HOOK1: variants seen among roughly 807,000 people sequenced by gnomAD.
HOOK1 encodes the protein protein Hook homolog 1.
Under a neutral mutation model 112.8 loss-of-function variants are expected in HOOK1, and 60 were observed. The observed-to-expected ratio is 0.53, with a 90% CI of 0.43 to 0.66. The LOEUF is 0.66. Among genes scored for constraint, HOOK1 ranks in the 30% least tolerant of loss-of-function variants. The pLI is 0.00. For synonymous variants in HOOK1, 294 were observed against 283.8 expected (o/e 1.04, Z -0.36); for missense variants, 770 against 856.0 (o/e 0.90, Z 1.25).
At chr1:59,858,599 C>G in intron 13 of HOOK1, 84 bp downstream of exon 13, 1 of 848,376 alleles carries the variant, frequency 1.2e-6, no homozygotes, top group Non-Finnish European at 2.0e-6. Context: ...CTTAACCTGT[C>G]ATGGTGGCGC....
intron 4 of HOOK1, 57 bp downstream of exon 4, chr1:59,832,270 A>G: frequency 2.0e-6 from 2 of 1,021,388 alleles, no homozygotes; most frequent in Non-Finnish European, 2.9e-6. Context: ...AATTACTTTA[A>G]GACTGAAAAA....
chr1:59,865,843 A>T (rs2102072042), intron 18 of HOOK1, 29 bp from the exon 19 acceptor site: 1 of 1,118,738 alleles, frequency 8.9e-7, no homozygotes, highest in African/African-American at 1.6e-5. Flanking sequence ...TTAATAACTG[A>T]TTATGCTTCA....
intron 20 of HOOK1, among the ~76,000 whole-genome samples, chr1:59,869,393 C>T (rs772605994): frequency 8.6e-5 from 13 of 152,002 alleles, no homozygotes; most frequent in Non-Finnish European, 1.5e-4. Flanking sequence ...GGTTTTGCCA[C>T]GTTGGCCAGG....
intron 12 of HOOK1, among the ~76,000 whole-genome samples, chr1:59,857,474 T>C (rs1158990852): frequency 6.6e-6 from 1 of 152,194 alleles, no homozygotes; most frequent in Admixed American, 6.5e-5. Flanking sequence ...AATTCTGAAA[T>C]AGTTGATAAT....
rs921724380 is a variant in HOOK1, at chr1:59,833,339, T to C, written c.274-66T>C. 2.3e-5 allele frequency: 26 copies of C among 1,130,386 alleles called. No homozygotes were observed. In the African/African-American group the frequency reaches 3.9e-4, roughly 17 times the overall value. 70.0% of individuals were successfully genotyped at this position (1,130,386 alleles called of 1,614,324 possible). A position where few individuals can be genotyped will look rare whatever the true frequency, so the allele number is the denominator to read the frequency against. On this transcript the variant is annotated intron_variant, in intron 4 of 21. Coordinates refer to ENST00000371208, the MANE Select transcript of HOOK1 (RefSeq NM_015888.6). ...AATTTATAATTTATTTTCATTGTAATATTAAATGTAGCAAATTCTTTGCAG... is the reference window on the plus strand; with the variant it reads ...AATTTATAATTTATTTTCATTGTAACATTAAATGTAGCAAATTCTTTGCAG...
At chr1:59,851,148 T>C (rs2098406955) in intron 12 of HOOK1, among the ~76,000 whole-genome samples, 1 of 151,554 alleles carries the variant, frequency 6.6e-6, no homozygotes, top group Non-Finnish European at 1.5e-5. Flanking sequence ...AGGCTGTTTT[T>C]GTTATTCTGA....
intron 3 of HOOK1, among the ~76,000 whole-genome samples, chr1:59,830,028 T>G (rs529587803): frequency 1.3e-5 from 2 of 152,214 alleles, no homozygotes; most frequent in South Asian, 4.1e-4. Context: ...GTTGCCTTTC[T>G]TTTATTTATT....
In HOOK1 at chr1:59,823,720, T is replaced by G. The variant is rs1304678802; in HGVS notation, c.149+1777T>G. 5.9e-5 allele frequency among the ~76,000 whole-genome samples: 9 copies of G among 152,264 alleles called. No individual in the cohort carries two copies. The East Asian group carries it at 1.7e-3, about 29-fold the overall frequency. ...ATGCTCTAGCACTGGACCTGATGTT[T>G]GGAGTAGAGTCAGTAAATTTTAGCT... On this transcript the variant is annotated intron_variant, in intron 2 of 21. Coordinates refer to ENST00000371208, the MANE Select transcript of HOOK1 (RefSeq NM_015888.6).
chr1:59,817,281 A>G (rs1428634924), intron 1 of HOOK1, among the ~76,000 whole-genome samples: 2 of 152,168 alleles, frequency 1.3e-5, no homozygotes, highest in African/African-American at 4.8e-5. Flanking sequence ...CTTCACTCTC[A>G]TTCAGTCTTC....
At chr1:59,859,147 A>G (rs2098412245) in intron 14 of HOOK1, 102 bp downstream of exon 14, 1 of 386,898 alleles carries the variant, frequency 2.6e-6, no homozygotes. Flanking sequence ...TGACTCATAG[A>G]GCTGAAAATT....
chr1:59,820,937 A>G (rs964258557), intron 1 of HOOK1, among the ~76,000 whole-genome samples: 2 of 152,192 alleles, frequency 1.3e-5, no homozygotes, highest in South Asian at 2.1e-4. Flanking sequence ...GTGTTAGATA[A>G]TGGAGGTCTG....
At chr1:59,819,052 C>G (rs1017443539) in intron 1 of HOOK1, among the ~76,000 whole-genome samples, 6 of 148,326 alleles carry the variant, frequency 4.0e-5, no homozygotes, top group African/African-American at 1.5e-4. Flanking sequence ...CCCTGTCTGT[C>G]TTTTTTGGGT....
At chr1:59,864,947 T>C (rs1365601689) in intron 17 of HOOK1, 3 of 568,186 alleles carry the variant, frequency 5.3e-6, no homozygotes, top group East Asian at 5.7e-5. Context: ...TAAAATATTT[T>C]ACTTTCTTAG....
At position 59,865,221 on chromosome 1, in the gene HOOK1, C is replaced by A. The variant is rs760945468; in HGVS notation, c.1720C>A (p.Leu574Ile). ...GAAGAAACAAGAACTCATTGAAGAT[C>A]TTCAGCCAGATATAAATCAAAATGG... The part of the protein sequence containing the change: ...LQKKQELIED[L>I]QPDINQNVQK... The change falls in exon 18 of 22, where the codon CTT (leucine) becomes ATT (isoleucine). Residue 574 changes from leucine to isoleucine, a missense_variant. Physicochemically the swap from Leu to Ile is conservative, Grantham distance 5 (BLOSUM62 2). Around this residue, in one of 3 missense-constraint regions of HOOK1, gnomAD observed 655 missense variants for 725.9 expected, o/e 0.90. Coordinates refer to ENST00000371208, the MANE Select transcript of HOOK1 (RefSeq NM_015888.6). 2 of 1,606,018 alleles carry A rather than the reference C, an allele frequency of 1.2e-6. No homozygotes were observed. Among genetic ancestry groups the A allele is most frequent in the South Asian group, 2.2e-5 (2 of 90,924 alleles).
intron 15 of HOOK1, among the ~76,000 whole-genome samples, chr1:59,861,382 G>A (rs2098413531): frequency 6.6e-6 from 1 of 152,090 alleles, no homozygotes; most frequent in South Asian, 2.1e-4. Flanking sequence ...AACTGTTTCT[G>A]GACAAGTTAC....
intron 17 of HOOK1, 41 bp from the exon 18 acceptor site, chr1:59,865,122 A>G: frequency 8.2e-7 from 1 of 1,224,066 alleles, no homozygotes; most frequent in Non-Finnish European, 1.2e-6. Flanking sequence ...CACAAATGTT[A>G]TATGGCAGAG....
intron 1 of HOOK1, among the ~76,000 whole-genome samples, chr1:59,816,357 T>G (rs1265010633): frequency 6.6e-6 from 1 of 152,240 alleles, no homozygotes; most frequent in African/African-American, 2.4e-5. Context: ...ACTGTTCAGC[T>G]GAATTTTCAT....
At chr1:59,851,671 G>C (rs1025159327) in intron 12 of HOOK1, among the ~76,000 whole-genome samples, 1 of 151,508 alleles carries the variant, frequency 6.6e-6, no homozygotes, top group Admixed American at 6.6e-5. Context: ...AAGTTGTACT[G>C]GCTAGAATTG....
At chr1:59,817,190 C>T (rs1353498488) in intron 1 of HOOK1, among the ~76,000 whole-genome samples, 1 of 152,146 alleles carries the variant, frequency 6.6e-6, no homozygotes, top group Non-Finnish European at 1.5e-5. Context: ...AACAAAGAGC[C>T]ACTATTCCGT....
Sources: gnomAD v4.1 joint callset for allele counts (sites outside exome capture counted in the v4.1 genomes callset) on GRCh38, gnomAD v4.1.1 for gene constraint, gnomAD v4.1.1 regional missense constraint, MANE v1.5 for transcripts, NCBI Gene and HGNC (gene_info 2026-07-23, HGNC 2026-07-21) for gene names.